Variants in CACNA2D3 observed in about 807,000 individuals in gnomAD.
The protein encoded by CACNA2D3 is calcium voltage-gated channel auxiliary subunit alpha2delta 3, also known as voltage-dependent calcium channel subunit alpha-2/delta-3.
A neutral mutation model predicts 160.6 loss-of-function variants in CACNA2D3; 60 were observed. The ratio of observed to expected loss-of-function variants is 0.37; its 90% confidence interval spans 0.30 to 0.46. CACNA2D3 has a LOEUF of 0.46. CACNA2D3 is among the 20% of genes least tolerant of loss of function. The pLI, the probability that CACNA2D3 is intolerant of heterozygous loss-of-function variation, is 1.00. For synonymous variants in CACNA2D3, 558 were observed against 492.9 expected (o/e 1.13, Z -1.75); for missense variants, 1,205 against 1,365.0 (o/e 0.88, Z 1.85).
chr3:54,926,863 A>G (rs997219764), intron 27 of CACNA2D3, among the ~76,000 whole-genome samples: 2 of 152,214 alleles, frequency 1.3e-5, no homozygotes, highest in African/African-American at 4.8e-5. Flanking sequence ...GGGTCTCTGG[A>G]ATCCAGAGAA....
chr3:54,984,529 T>C (rs1702573395), intron 29 of CACNA2D3, 79 bp from the exon 30 acceptor site: 1 of 797,406 alleles, frequency 1.3e-6, no homozygotes, highest in Non-Finnish European at 2.1e-6. Context: ...GTTGGAAGTG[T>C]GTCATTCTGT....
chr3:54,660,102 C>G (rs1386371297), intron 11 of CACNA2D3, among the ~76,000 whole-genome samples: 2 of 151,884 alleles, frequency 1.3e-5, no homozygotes, highest in African/African-American at 2.4e-5. Context: ...AATACTTTTT[C>G]CATGTCATTG....
chr3:54,880,662 A>C, intron 20 of CACNA2D3, 134 bp from the exon 21 acceptor site: 1 of 804,656 alleles, frequency 1.2e-6, no homozygotes, highest in Admixed American at 1.9e-5. Flanking sequence ...GGGTTTTGAA[A>C]GTAAACAGTT....
chr3:54,403,091 T>G lies in CACNA2D3; in HGVS notation c.381+16317T>G, dbSNP rs529725873. 2.6e-5 allele frequency among the ~76,000 whole-genome samples: 4 copies of G among 152,254 alleles called. 1 individual carries two copies. The highest frequency in any genetic ancestry group is 9.6e-5 in the African/African-American group (4 of 41,548). ...TTAGCAATATCTTGGCCAGGCACAG[T>G]GGCTCACACCTATAATCCCAGCACT... On this transcript the variant is annotated intron_variant, in intron 4 of 37. Coordinates refer to ENST00000474759, the MANE Select transcript of CACNA2D3 (RefSeq NM_018398.3).
intron 2 of CACNA2D3, among the ~76,000 whole-genome samples, chr3:54,244,042 C>T (rs890375683): frequency 1.3e-5 from 2 of 152,202 alleles, no homozygotes; most frequent in Non-Finnish European, 2.9e-5. Flanking sequence ...ATGATAGCAC[C>T]TTCTCCCTCA....
chr3:54,294,608 G>T (rs1270202278), intron 2 of CACNA2D3, among the ~76,000 whole-genome samples: 1 of 152,210 alleles, frequency 6.6e-6, no homozygotes, highest in African/African-American at 2.4e-5. Context: ...CATGAAGTCT[G>T]TGTTCAAATC....
chr3:54,164,442 TCTC>T (rs1223022085), intron 2 of CACNA2D3, among the ~76,000 whole-genome samples: 1 of 152,206 alleles, frequency 6.6e-6, no homozygotes, highest in Non-Finnish European at 1.5e-5. Context: ...AGCTCCACAT[TCTC>T]CTCCTCGGGG....
intron 4 of CACNA2D3, among the ~76,000 whole-genome samples, chr3:54,400,218 G>A (rs372020407): frequency 0.025 from 3,669 of 149,178 alleles, 157 homozygotes; most frequent in African/African-American, 0.087. Flanking sequence ...CTAGTGAGAT[G>A]AACCCGGTAC....
At chr3:54,184,270 G>A (rs946996077) in intron 2 of CACNA2D3, among the ~76,000 whole-genome samples, 2 of 152,174 alleles carry the variant, frequency 1.3e-5, no homozygotes, top group African/African-American at 4.8e-5. Context: ...CGCTGCCTCT[G>A]GTCATTGCTG....
intron 2 of CACNA2D3, among the ~76,000 whole-genome samples, chr3:54,280,416 A>G (rs898128368): frequency 6.6e-6 from 1 of 152,118 alleles, no homozygotes; most frequent in African/African-American, 2.4e-5. Flanking sequence ...TTAAGCACCT[A>G]TGAGTCTTGG....
At chr3:54,151,515 C>T (rs193196447) in intron 2 of CACNA2D3, among the ~76,000 whole-genome samples, 1 of 152,088 alleles carries the variant, frequency 6.6e-6, no homozygotes, top group African/African-American at 2.4e-5. Context: ...GAATTATTGG[C>T]CATTCTCCTG....
intron 12 of CACNA2D3, among the ~76,000 whole-genome samples, chr3:54,760,005 C>T (rs1449840571): frequency 2.0e-5 from 3 of 152,218 alleles, no homozygotes; most frequent in Non-Finnish European, 4.4e-5. Flanking sequence ...CTCAGTAAGA[C>T]CTCAGTGAAT....
intron 35 of CACNA2D3, among the ~76,000 whole-genome samples, chr3:55,029,245 G>A (rs1033601273): frequency 1.3e-5 from 2 of 152,116 alleles, no homozygotes; most frequent in African/African-American, 2.4e-5. Context: ...ACTATGGTCT[G>A]GGCTACCACA....
intron 27 of CACNA2D3, among the ~76,000 whole-genome samples, chr3:54,930,632 C>T (rs1316088256): frequency 1.3e-5 from 2 of 152,246 alleles, no homozygotes; most frequent in African/African-American, 4.8e-5. Context: ...TGAAGAAGCA[C>T]ACTTTCATGC....
chr3:54,822,319 C>T (rs1269311248), intron 14 of CACNA2D3, among the ~76,000 whole-genome samples: 1 of 152,248 alleles, frequency 6.6e-6, no homozygotes, highest in East Asian at 1.9e-4. Context: ...AGTCTAGTCA[C>T]TTCAGCTTTT....
intron 35 of CACNA2D3, among the ~76,000 whole-genome samples, chr3:55,060,211 C>A (rs1286280331): frequency 6.6e-6 from 1 of 152,078 alleles, no homozygotes; most frequent in Admixed American, 6.6e-5. Context: ...CCTATTAAAC[C>A]TGTGCTATCT....
At chr3:54,253,067 T>C (rs1178146238) in intron 2 of CACNA2D3, among the ~76,000 whole-genome samples, 1 of 152,102 alleles carries the variant, frequency 6.6e-6, no homozygotes, top group Non-Finnish European at 1.5e-5. Flanking sequence ...ATTGGTCCTT[T>C]AATATTAAAG....
At chr3:54,472,283 C>G (rs866424587) in intron 4 of CACNA2D3, among the ~76,000 whole-genome samples, 1 of 152,142 alleles carries the variant, frequency 6.6e-6, no homozygotes. Flanking sequence ...ATAAACAGAA[C>G]CAATGACAAA....
chr3:54,291,158 G>T (rs1344008222), intron 2 of CACNA2D3, among the ~76,000 whole-genome samples: 1 of 152,104 alleles, frequency 6.6e-6, no homozygotes, highest in Non-Finnish European at 1.5e-5. Context: ...ACTAGCCTGT[G>T]GGTTATGAGT....
Sources: allele counts gnomAD v4.1 joint callset (sites outside exome capture counted in the v4.1 genomes callset), GRCh38; gene constraint gnomAD v4.1.1; transcripts MANE v1.5; gene names NCBI Gene and HGNC (gene_info 2026-07-23, HGNC 2026-07-21).